PIGK: variants seen among roughly 807,000 people sequenced by gnomAD.
PIGK encodes phosphatidylinositol glycan anchor biosynthesis class K.
In PIGK, 42 loss-of-function variants were observed where a neutral mutation model predicts 50.6. That is an observed-to-expected ratio of 0.83 (90% CI 0.65 to 1.07). The LOEUF is 1.07. Ranked by LOEUF, PIGK falls within the 50% of genes least tolerant of loss-of-function variation. The probability of loss-of-function intolerance (pLI) is 0.00; values close to 1 mark genes in which losing one functional copy is unlikely to be tolerated. For missense variants in PIGK, 448 were observed against 488.7 expected (o/e 0.92, Z 0.78); for synonymous variants, 151 against 156.0 (o/e 0.97, Z 0.24).
intron 3 of PIGK, among the ~76,000 whole-genome samples, chr1:77,182,549 CAT>C (rs1047044295): frequency 1.7e-4 from 24 of 142,438 alleles, no homozygotes; most frequent in East Asian, 4.1e-4. Context: ...CACACACACA[CAT>C]ATGTGAGTTT....
intron 3 of PIGK, among the ~76,000 whole-genome samples, chr1:77,182,992 C>T (rs1024473169): frequency 7.2e-5 from 11 of 152,266 alleles, no homozygotes; most frequent in Admixed American, 3.9e-4. Context: ...TGTCTCCCGG[C>T]TTCAGATACT....
chr1:77,169,573 T>C (rs1472295755), intron 3 of PIGK, among the ~76,000 whole-genome samples, 178 bp from the exon 4 acceptor site: 7 of 150,464 alleles, frequency 4.7e-5, no homozygotes, highest in Admixed American at 4.6e-4. Flanking sequence ...CTATATATTT[T>C]AAAGTAGAGA....
intron 10 of PIGK, among the ~76,000 whole-genome samples, chr1:77,111,606 G>GA (rs1354412352): frequency 1.4e-4 from 21 of 149,982 alleles, no homozygotes; most frequent in African/African-American, 4.9e-4. Context: ...GGGGCCTGTT[G>GA]TGGGGTGGAG....
intron 10 of PIGK, among the ~76,000 whole-genome samples, chr1:77,106,344 C>G (rs1048231058): frequency 7.9e-5 from 12 of 152,132 alleles, no homozygotes; most frequent in African/African-American, 2.9e-4. Context: ...CATTAAGCCT[C>G]CCACTGTGCT....
At chr1:77,146,861 TG>T (rs949270660) in intron 9 of PIGK, among the ~76,000 whole-genome samples, 1 of 151,518 alleles carries the variant, frequency 6.6e-6, no homozygotes, top group African/African-American at 2.4e-5. Context: ...CCCAGCTACT[TG>T]GGAGGCTGAG....
chr1:77,195,127 G>A (rs1205864424), intron 3 of PIGK: 3 of 1,215,102 alleles, frequency 2.5e-6, no homozygotes, highest in Non-Finnish European at 3.6e-6. Flanking sequence ...GAAGGAGGGT[G>A]ATTCAGAGTT....
intron 10 of PIGK, among the ~76,000 whole-genome samples, chr1:77,119,824 A>G (rs1242191741): frequency 6.6e-6 from 1 of 152,050 alleles, no homozygotes; most frequent in Non-Finnish European, 1.5e-5. Flanking sequence ...GTGCCTGGGT[A>G]GTAGGGAAAA....
At chr1:77,160,265 T>C (rs1386596699) in intron 8 of PIGK, among the ~76,000 whole-genome samples, 1 of 152,174 alleles carries the variant, frequency 6.6e-6, no homozygotes, top group African/African-American at 2.4e-5. Context: ...GAACTGTGAG[T>C]CCATTAATCT....
Position 77,159,706 on chromosome 1 carries a change from TG to T in PIGK, c.813+1588del, listed in dbSNP as rs544530673. 4.9e-3 allele frequency among the ~76,000 whole-genome samples: 743 copies of T among 152,314 alleles called. 4 individuals carry two copies. Among genetic ancestry groups the T allele is most frequent in the Non-Finnish European group, 5.2e-3 (354 of 68,032 alleles). Reference sequence around the variant, plus strand: ...ATGACTGCCCTATTGGATTTCTACATGGGGCCTGTAGTGCCTTCGTTTTGGC... The same window carrying T: ...ATGACTGCCCTATTGGATTTCTACATGGGCCTGTAGTGCCTTCGTTTTGGC... On this transcript the variant is annotated intron_variant, in intron 8 of 10. Transcript: ENST00000370812.
intron 10 of PIGK, among the ~76,000 whole-genome samples, chr1:77,104,625 T>C (rs1005743878): frequency 6.6e-6 from 1 of 152,106 alleles, no homozygotes; most frequent in Non-Finnish European, 1.5e-5. Flanking sequence ...GAGTCCCAAG[T>C]AGGAAGGGAG....
chr1:77,110,776 A>C (rs1465836053), intron 10 of PIGK, among the ~76,000 whole-genome samples: 1 of 152,232 alleles, frequency 6.6e-6, no homozygotes, highest in Admixed American at 6.5e-5. Context: ...TAATTAAACT[A>C]AAGAGTTTGT....
chr1:77,126,452 T>C (rs896033420), intron 9 of PIGK, among the ~76,000 whole-genome samples: 5 of 152,168 alleles, frequency 3.3e-5, no homozygotes, highest in African/African-American at 1.2e-4. Context: ...TGAAGTGTAG[T>C]TGCTTTAATA....
chr1:77,119,149 C>T (rs1020084728), intron 10 of PIGK, among the ~76,000 whole-genome samples: 3 of 152,128 alleles, frequency 2.0e-5, no homozygotes, highest in Admixed American at 6.5e-5. Context: ...TATTCTTGGA[C>T]ATTTGGTCTT....
Position 77,092,368 on chromosome 1 carries a change from T to A in PIGK, c.*6A>T. 7 of 1,267,342 alleles carry A rather than the reference T, an allele frequency of 5.5e-6. No homozygotes were observed. The highest frequency in any genetic ancestry group is 8.0e-6 in the Non-Finnish European group (7 of 879,434). The allele number at this position is 1,267,342 out of a possible 1,614,324, so 78.5% of individuals were successfully genotyped here. On this transcript the variant is annotated 3_prime_UTR_variant, in exon 11 of 11. Transcript: ENST00000370812. ...TCCTCCATGCATTCTTCATTCATCA[T>A]CAAGTCTAAAAAATGAACTTCATAT...
intron 3 of PIGK, among the ~76,000 whole-genome samples, chr1:77,197,928 T>C (rs1656073406): frequency 6.6e-6 from 1 of 152,160 alleles, no homozygotes; most frequent in African/African-American, 2.4e-5. Context: ...CATTATGACA[T>C]AAATATTAGA....
intron 3 of PIGK, among the ~76,000 whole-genome samples, chr1:77,182,505 A>AATCTATCTATCT (rs59731037): frequency 6.0e-5 from 9 of 150,220 alleles, no homozygotes; most frequent in Non-Finnish European, 1.2e-4. Context: ...ACCCAGGATC[A>AATCTATCTATCT]ATCTATCTAT....
chr1:77,110,041 T>A (rs1653800295), intron 10 of PIGK, among the ~76,000 whole-genome samples: 1 of 151,878 alleles, frequency 6.6e-6, no homozygotes, highest in South Asian at 2.1e-4. Flanking sequence ...TACCTAGAAA[T>A]CCAGCTTACA....
chr1:77,181,760 G>A (rs186411524), intron 3 of PIGK, among the ~76,000 whole-genome samples: 3 of 152,230 alleles, frequency 2.0e-5, no homozygotes, highest in Admixed American at 2.0e-4. Flanking sequence ...GTAGATTACT[G>A]GTTCTACAGC....
chr1:77,190,256 CTGATTG>C (rs1283995726), intron 3 of PIGK, among the ~76,000 whole-genome samples: 1 of 151,896 alleles, frequency 6.6e-6, no homozygotes, highest in African/African-American at 2.4e-5. Context: ...AAAAAATTAG[CTGATTG>C]TGATATCGCA....
Sources: allele counts gnomAD v4.1 joint callset (sites outside exome capture counted in the v4.1 genomes callset), GRCh38; gene constraint gnomAD v4.1.1; transcripts MANE v1.5; gene names NCBI Gene and HGNC (gene_info 2026-07-23, HGNC 2026-07-21).